The following ACTR3C variants were observed in gnomAD, a reference collection of about 807,000 sequenced individuals.
The protein encoded by ACTR3C is actin-related protein 3C.
In ACTR3C, 18 loss-of-function variants were observed where a neutral mutation model predicts 26.3. That is an observed-to-expected ratio of 0.68 (90% CI 0.47 to 1.01). The LOEUF (loss-of-function observed/expected upper bound fraction) is 1.01. Among genes scored for constraint, ACTR3C ranks in the 50% least tolerant of loss-of-function variants. The pLI, the probability that ACTR3C is intolerant of heterozygous loss-of-function variation, is 0.00. For synonymous variants in ACTR3C, 55 were observed against 94.5 expected, an observed-to-expected ratio of 0.58 and a Z score of 2.42; for missense variants, 184 against 250.7, an observed-to-expected ratio of 0.73 and a Z score of 1.80.
At chr7:150,291,068 C>G (rs1006965797) in intron 3 of ACTR3C, among the ~76,000 whole-genome samples, 1 of 152,174 alleles carries the variant, frequency 6.6e-6, no homozygotes, top group Non-Finnish European at 1.5e-5. Flanking sequence ...CCAAACCAGA[C>G]ATGAGACATT....
chr7:150,090,698 A>T, the ACTR3C span, among the ~76,000 whole-genome samples: 2 of 147,570 alleles, frequency 1.4e-5, no homozygotes, highest in African/African-American at 4.9e-5. Context: ...ATGTGACTTT[A>T]GGCAAATAAA....
chr7:149,908,564 C>A, the ACTR3C span, among the ~76,000 whole-genome samples: 3 of 152,174 alleles, frequency 2.0e-5, no homozygotes, highest in Non-Finnish European at 2.9e-5. Flanking sequence ...CACCTTCTCT[C>A]CAGCTGTTTT....
At chr7:150,036,162 C>G in the ACTR3C span, among the ~76,000 whole-genome samples, 2 of 131,280 alleles carry the variant, frequency 1.5e-5, 1 homozygote, top group Non-Finnish European at 3.4e-5. Flanking sequence ...GGGGGTGCCT[C>G]CCCCCCCGCG....
At chr7:150,293,038 C>T (rs1374130664) in intron 3 of ACTR3C, among the ~76,000 whole-genome samples, 2 of 152,056 alleles carry the variant, frequency 1.3e-5, no homozygotes, top group Admixed American at 1.3e-4. Context: ...CCTGGACATT[C>T]TCTGACATTC....
chr7:150,163,982 A>G, the ACTR3C span, among the ~76,000 whole-genome samples: 1 of 152,250 alleles, frequency 6.6e-6, no homozygotes, highest in Admixed American at 6.5e-5. Context: ...AGGTTGACAC[A>G]TTAAGTTAAC....
intron 3 of ACTR3C, among the ~76,000 whole-genome samples, chr7:150,292,287 G>A (rs1278602332): frequency 6.6e-6 from 1 of 152,094 alleles, no homozygotes. Flanking sequence ...GGATGAGTCT[G>A]ACTTCCCTCT....
the ACTR3C span, among the ~76,000 whole-genome samples, chr7:150,234,064 C>T: frequency 6.6e-6 from 1 of 152,046 alleles, no homozygotes; most frequent in Non-Finnish European, 1.5e-5. Context: ...ATTTTGTCTC[C>T]ACTCTTGACT....
chr7:150,067,899 T>G, the ACTR3C span, among the ~76,000 whole-genome samples: 1 of 151,640 alleles, frequency 6.6e-6, no homozygotes, highest in African/African-American at 2.4e-5. Flanking sequence ...ATCTTTTTTG[T>G]CTCTTTAGAC....
intron 4 of ACTR3C, among the ~76,000 whole-genome samples, chr7:150,288,216 C>A (rs1176854373): frequency 6.9e-6 from 1 of 145,272 alleles, no homozygotes; most frequent in Admixed American, 6.7e-5. Context: ...ATAGTCACAT[C>A]GAGCACATCA....
chr7:149,992,052 T>C, the ACTR3C span, among the ~76,000 whole-genome samples: 8 of 133,550 alleles, frequency 6.0e-5, 2 homozygotes, highest in Admixed American at 1.6e-4. Flanking sequence ...TAATCTTACA[T>C]TGAGTGTTTG....
At chr7:150,156,070 TG>T in the ACTR3C span, among the ~76,000 whole-genome samples, 1 of 150,298 alleles carries the variant, frequency 6.7e-6, no homozygotes, top group Non-Finnish European at 1.5e-5. Flanking sequence ...GTCAGTGAGG[TG>T]GGTGAGCTGG....
At chr7:150,149,333 A>G in the ACTR3C span, among the ~76,000 whole-genome samples, 1 of 151,682 alleles carries the variant, frequency 6.6e-6, no homozygotes, top group Admixed American at 6.6e-5. Context: ...ATTTCTTTTG[A>G]TGCACTAGTG....
chr7:149,953,421 AC>A, the ACTR3C span, among the ~76,000 whole-genome samples: 3 of 149,382 alleles, frequency 2.0e-5, no homozygotes, highest in Non-Finnish European at 4.4e-5. Flanking sequence ...TCTTCATTAA[AC>A]ATCCATTGCT....
the ACTR3C span, among the ~76,000 whole-genome samples, chr7:150,232,750 G>C: frequency 4.0e-5 from 6 of 149,206 alleles, no homozygotes; most frequent in East Asian, 1.2e-3. Flanking sequence ...TTGAACCCAG[G>C]AGGAGGAGCT....
intron 6 of ACTR3C, among the ~76,000 whole-genome samples, chr7:150,252,124 CTG>C (rs59701305): frequency 0.14 from 21,073 of 146,560 alleles, 1,909 homozygotes; most frequent in African/African-American, 0.26. Flanking sequence ...GTGTATGTGT[CTG>C]TGTGTGTGTG....
the ACTR3C span, among the ~76,000 whole-genome samples, chr7:150,041,728 T>A: frequency 8.4e-6 from 1 of 118,736 alleles, no homozygotes; most frequent in African/African-American, 3.3e-5. Context: ...CTCCCCCTCC[T>A]GCGATGGGGG....
At chr7:150,076,187 A>C in the ACTR3C span, among the ~76,000 whole-genome samples, 2 of 151,754 alleles carry the variant, frequency 1.3e-5, no homozygotes, top group Non-Finnish European at 2.9e-5. Context: ...ATTTGAAAAG[A>C]AGTGTTCCAA....
chr7:150,029,416 AAC>A, the ACTR3C span, among the ~76,000 whole-genome samples: 52,462 of 102,416 alleles, frequency 0.51, 12,352 homozygotes, highest in Non-Finnish European at 0.55. Context: ...AAAAAAAAAA[AAC>A]AAACAAAAAA....
the ACTR3C span, among the ~76,000 whole-genome samples, chr7:150,169,190 G>T: frequency 6.7e-6 from 1 of 149,980 alleles, no homozygotes; most frequent in Non-Finnish European, 1.5e-5. Flanking sequence ...GACCATCCTG[G>T]CTAACATGGT....
Sources: allele counts gnomAD v4.1 joint callset (sites outside exome capture counted in the v4.1 genomes callset), GRCh38; gene constraint gnomAD v4.1.1; transcripts MANE v1.5; gene names NCBI Gene and HGNC (gene_info 2026-07-23, HGNC 2026-07-21).